The following DAB1 variants were observed in gnomAD, a reference collection of about 807,000 sequenced individuals.
The protein encoded by DAB1 is DAB adaptor protein 1, also known as disabled homolog 1.
DAB1 carries 15 observed loss-of-function variants against 64.6 expected under a neutral mutation model. That is an observed-to-expected ratio of 0.23 (90% CI 0.16 to 0.36). The LOEUF (loss-of-function observed/expected upper bound fraction) is 0.36. Ranked by LOEUF, DAB1 falls within the 10% of genes least tolerant of loss-of-function variation. The probability of loss-of-function intolerance (pLI) is 1.00; values close to 1 mark genes in which losing one functional copy is unlikely to be tolerated. For synonymous variants in DAB1, 235 were observed against 251.9 expected, an observed-to-expected ratio of 0.93 and a Z score of 0.64; for missense variants, 596 against 706.7, an observed-to-expected ratio of 0.84 and a Z score of 1.78.
intron 5 of DAB1, among the ~76,000 whole-genome samples, chr1:58,146,062 C>A (rs1435704449): frequency 6.6e-6 from 1 of 152,154 alleles, no homozygotes; most frequent in Non-Finnish European, 1.5e-5. Flanking sequence ...ATAACATTAT[C>A]TTTTATCTAG....
intron 1 of DAB1, among the ~76,000 whole-genome samples, chr1:57,347,936 C>G (rs953848408): frequency 1.3e-5 from 2 of 151,974 alleles, no homozygotes; most frequent in Admixed American, 1.3e-4. Flanking sequence ...GTTCCATCAC[C>G]CCTCTAAAAC....
In DAB1 at chr1:57,895,251, C is replaced by A. The variant is rs954479401; in HGVS notation, n.388-11089G>T. ...TGTCCAAGGCTGTGATGCATATTTA[C>A]TAATTTAATCCCCAGGTCAGACCTA... On this transcript the variant is annotated intron_variant and non_coding_transcript_variant, in intron 5 of 20. Transcript: ENST00000485760. 2.0e-5 allele frequency among the ~76,000 whole-genome samples: 3 copies of A among 152,176 alleles called. No individual in the cohort carries two copies. The East Asian group carries it at 5.8e-4, about 29-fold the overall frequency.
At chr1:57,508,045 C>T (rs753814705) in intron 7 of DAB1, among the ~76,000 whole-genome samples, 5 of 152,122 alleles carry the variant, frequency 3.3e-5, no homozygotes, top group Non-Finnish European at 7.3e-5. Context: ...TAACCAGCTC[C>T]CTGCATAATT....
rs55813143 is a variant in DAB1 at position 57,478,892 on chromosome 1, G to A, written n.625+170700C>T. On this transcript the variant is annotated intron_variant and non_coding_transcript_variant, in intron 7 of 20. Transcript: ENST00000485760. ...TGGGATTACAGGCGTGAGCCACTGC[G>A]CCCGGCCCGGTTCCCATTCTTTTGC... Among the ~76,000 whole-genome samples the A allele has an allele frequency of 4.8e-3, 732 of 151,870 alleles. 8 individuals are homozygous for A. Among genetic ancestry groups the A allele is most frequent in the African/African-American group, 0.017 (707 of 41,378 alleles).
intron 4 of DAB1, among the ~76,000 whole-genome samples, chr1:58,184,036 A>G (rs1170532933): frequency 2.0e-5 from 3 of 152,008 alleles, no homozygotes; most frequent in Admixed American, 6.6e-5. Context: ...CTCTAGCTAT[A>G]GGGTTTCTAA....
At chr1:58,078,757 T>C (rs1649804248) in intron 5 of DAB1, among the ~76,000 whole-genome samples, 1 of 152,202 alleles carries the variant, frequency 6.6e-6, no homozygotes, top group Non-Finnish European at 1.5e-5. Context: ...CCAAATCACT[T>C]CACCCAAGGC....
chr1:57,198,429 G>A (rs1664806402), intron 2 of DAB1, among the ~76,000 whole-genome samples: 1 of 152,104 alleles, frequency 6.6e-6, no homozygotes, highest in Admixed American at 6.6e-5. Flanking sequence ...TCAGAATGCT[G>A]GGCATCCCCC....
intron 7 of DAB1, among the ~76,000 whole-genome samples, chr1:57,440,489 G>A (rs1685899455): frequency 6.6e-6 from 1 of 152,098 alleles, no homozygotes; most frequent in South Asian, 2.1e-4. Context: ...GGCTTGTGAA[G>A]AAAGACAGGT....
chr1:57,490,003 T>C (rs569804212), intron 7 of DAB1, among the ~76,000 whole-genome samples: 34 of 152,162 alleles, frequency 2.2e-4, no homozygotes, highest in Non-Finnish European at 4.7e-4. Context: ...TGATTGCCCT[T>C]CTAAAAGGGG....
chr1:57,270,257 A>C (rs1670891551), intron 2 of DAB1, among the ~76,000 whole-genome samples: 1 of 152,216 alleles, frequency 6.6e-6, no homozygotes. Flanking sequence ...GGGCATTCAA[A>C]TACTCTGCAT....
At chr1:58,084,374 C>T in intron 5 of DAB1, 1 of 152,986 alleles carries the variant, frequency 6.5e-6, no homozygotes, top group East Asian at 1.9e-4. Flanking sequence ...TGTTAGGGGG[C>T]ACCGTCATCT....
chr1:58,537,153 G>A (rs1041854335), intron 1 of DAB1, among the ~76,000 whole-genome samples: 20 of 151,290 alleles, frequency 1.3e-4, no homozygotes, highest in African/African-American at 4.6e-4. Flanking sequence ...AAATTGTTAG[G>A]TAACTTGTCC....
intron 2 of DAB1, among the ~76,000 whole-genome samples, chr1:57,234,247 G>A (rs197634): frequency 0.05 from 7,562 of 152,138 alleles, 304 homozygotes; most frequent in African/African-American, 0.098. Context: ...CCAAGAATTT[G>A]AATCATAAAG....
chr1:57,902,386 T>C (rs1044793232), intron 5 of DAB1, among the ~76,000 whole-genome samples: 1 of 152,132 alleles, frequency 6.6e-6, no homozygotes, highest in Non-Finnish European at 1.5e-5. Context: ...CTGTATCTTC[T>C]AAGAATAAGG....
chr1:57,267,463 T>C (rs1048829598), intron 2 of DAB1, among the ~76,000 whole-genome samples: 5 of 152,228 alleles, frequency 3.3e-5, no homozygotes, highest in Non-Finnish European at 7.3e-5. Context: ...AAGTGTTTTC[T>C]CTAAGCTATG....
intron 5 of DAB1, among the ~76,000 whole-genome samples, chr1:57,893,508 G>A (rs1165723443): frequency 6.6e-6 from 1 of 152,192 alleles, no homozygotes; most frequent in South Asian, 2.1e-4. Flanking sequence ...GAGCCAGGCA[G>A]CCCTGGTCCC....
intron 5 of DAB1, among the ~76,000 whole-genome samples, chr1:57,959,480 C>T (rs1196154414): frequency 6.6e-6 from 1 of 152,106 alleles, no homozygotes; most frequent in Admixed American, 6.5e-5. Flanking sequence ...TCGCAGTAAC[C>T]CACTTTGATG....
chr1:57,331,438 T>A (rs116456775), intron 1 of DAB1, among the ~76,000 whole-genome samples: 2,577 of 152,304 alleles, frequency 0.017, 60 homozygotes, highest in African/African-American at 0.051. Flanking sequence ...TATGGCACCA[T>A]GGTTAAGAGT....
intron 3 of DAB1, among the ~76,000 whole-genome samples, chr1:58,352,451 T>A (rs1268873461): frequency 2.6e-5 from 4 of 152,166 alleles, no homozygotes; most frequent in Non-Finnish European, 5.9e-5. Context: ...TACATAGCCA[T>A]CCGGCATGTA....
Sources: allele counts gnomAD v4.1 joint callset (sites outside exome capture counted in the v4.1 genomes callset), GRCh38; gene constraint gnomAD v4.1.1; transcripts MANE v1.5; gene names NCBI Gene and HGNC (gene_info 2026-07-23, HGNC 2026-07-21).